ZNF157: variants seen among roughly 807,000 people sequenced by gnomAD.
ZNF157 encodes zinc finger protein 157.
Under a neutral mutation model 9.4 loss-of-function variants are expected in ZNF157, and 8 were observed. The observed-to-expected ratio is 0.85, with a 90% confidence interval of 0.50 to 1.53. The LOEUF (loss-of-function observed/expected upper bound fraction) is 1.53, where lower values mean the gene tolerates loss of function less well. ZNF157 is among the 40% of genes most tolerant of loss of function. The pLI is 0.00. For missense variants in ZNF157, 316 were observed against 385.2 expected, an observed-to-expected ratio of 0.82 and a Z score of 1.50; for synonymous variants, 120 against 130.8, an observed-to-expected ratio of 0.92 and a Z score of 0.56.
chrX:47,411,357 TA>T (rs2055964291), intron 3 of ZNF157, among the ~76,000 whole-genome samples: 1 of 109,971 alleles, frequency 9.1e-6, no homozygotes, highest in South Asian at 3.9e-4. Flanking sequence ...TTTATTCTTT[TA>T]TTTTTTTGAG....
At chrX:47,387,126 T>C (rs1160879059) in intron 1 of ZNF157, among the ~76,000 whole-genome samples, 1 of 100,581 alleles carries the variant, frequency 9.9e-6, no homozygotes, top group Non-Finnish European at 2.1e-5. Flanking sequence ...CCCTGCTAAT[T>C]TTTTTTTTTT....
At chrX:47,385,808 T>C (rs2147404264) in intron 1 of ZNF157, among the ~76,000 whole-genome samples, 1 of 110,816 alleles carries the variant, frequency 9.0e-6, no homozygotes, top group East Asian at 2.8e-4. Flanking sequence ...CCTCAGGTGA[T>C]CCACCTGCCT....
intron 1 of ZNF157, among the ~76,000 whole-genome samples, chrX:47,394,271 C>G (rs952500814): frequency 9.0e-6 from 1 of 111,197 alleles, no homozygotes; most frequent in Admixed American, 9.7e-5. Flanking sequence ...CCCTCGAACT[C>G]TTGAGCTCAA....
Position 47,413,458 on chromosome X carries a change from G to A in ZNF157, c.1385G>A (p.Arg462Gln), listed in dbSNP as rs138071941. The change falls in exon 4 of 4, where the codon CGA becomes CAA. Residue 462 changes from arginine to glutamine, a missense_variant. By Grantham distance (43) the Arg-to-Gln change is conservative. Transcript: ENST00000377073. Reference protein sequence around the residue: ...YVKVRLIEHQRIHTGERPFEC... With the variant: ...YVKVRLIEHQQIHTGERPFEC... ...AAAGTACGCCTCATTGAACATCAGC[G>A]AATTCACACAGGAGAGAGACCCTTT... is the stretch of plus-strand genomic sequence containing the variant. 13 of 1,210,418 alleles carry A rather than the reference G, an allele frequency of 1.1e-5. No homozygotes were observed. The highest frequency in any genetic ancestry group is 3.5e-5 in the South Asian group (2 of 56,858).
At chrX:47,403,891 C>T (rs1382187479) in intron 1 of ZNF157, among the ~76,000 whole-genome samples, 5 of 111,435 alleles carry the variant, frequency 4.5e-5, no homozygotes, top group East Asian at 2.9e-4. Context: ...AAAAAGTTGC[C>T]GGGCACAGAG....
intron 1 of ZNF157, among the ~76,000 whole-genome samples, chrX:47,377,742 T>C (rs1320926581): frequency 7.0e-5 from 7 of 100,308 alleles, no homozygotes; most frequent in Non-Finnish European, 1.4e-4. Context: ...TTTTTTTTTT[T>C]TTTTTTAAAA....
intron 1 of ZNF157, among the ~76,000 whole-genome samples, chrX:47,409,495 C>T (rs1177594273): frequency 3.6e-4 from 26 of 71,625 alleles, no homozygotes; most frequent in Non-Finnish European, 1.6e-4. Context: ...CCACCATGCC[C>T]GGCTAATTTT....
At chrX:47,403,717 A>G (rs777485785) in intron 1 of ZNF157, among the ~76,000 whole-genome samples, 17 of 112,115 alleles carry the variant, frequency 1.5e-4, no homozygotes, top group Non-Finnish European at 2.4e-4. Flanking sequence ...AAAAAAATCA[A>G]TGGGTGCCAG....
chrX:47,411,688 C>T (rs2055965718), intron 3 of ZNF157, among the ~76,000 whole-genome samples: 1 of 111,174 alleles, frequency 9.0e-6, no homozygotes, highest in African/African-American at 3.3e-5. Context: ...TTTCTTCCCT[C>T]CATTGCCTTG....
At chrX:47,394,743 G>A (rs1190144403) in intron 1 of ZNF157, among the ~76,000 whole-genome samples, 1 of 111,775 alleles carries the variant, frequency 8.9e-6, no homozygotes, top group Non-Finnish European at 1.9e-5. Flanking sequence ...TTTGTATTCT[G>A]TAAGATGATA....
At chrX:47,381,067 G>A (rs2055861445) in intron 1 of ZNF157, among the ~76,000 whole-genome samples, 2 of 101,848 alleles carry the variant, frequency 2.0e-5, no homozygotes, top group Admixed American at 2.1e-4. Context: ...AGAGCAGGAG[G>A]AGGAGGAGCA....
At chrX:47,389,908 A>G (rs2147406088) in intron 1 of ZNF157, 1 of 111,864 alleles carries the variant, frequency 8.9e-6, no homozygotes, top group South Asian at 3.8e-4. Context: ...CTCAAAGAAA[A>G]ATAAAAGGAA....
intron 1 of ZNF157, among the ~76,000 whole-genome samples, chrX:47,379,395 A>G (rs1033961655): frequency 9.4e-6 from 1 of 106,888 alleles, no homozygotes; most frequent in Non-Finnish European, 1.9e-5. Flanking sequence ...ATAGAGATCT[A>G]TAATCCATTT....
At chrX:47,403,759 G>T (rs1174626895) in intron 1 of ZNF157, among the ~76,000 whole-genome samples, 1 of 112,229 alleles carries the variant, frequency 8.9e-6, no homozygotes, top group East Asian at 2.8e-4. Flanking sequence ...AGAATTACTT[G>T]ACAAGGATTT....
intron 1 of ZNF157, among the ~76,000 whole-genome samples, chrX:47,377,540 C>T (rs901695710): frequency 8.2e-5 from 9 of 109,587 alleles, no homozygotes; most frequent in Admixed American, 2.0e-4. Flanking sequence ...GGTGATTCTC[C>T]CACCTCAACC....
In ZNF157 at chrX:47,412,942, C is replaced by T; in HGVS notation, c.869C>T (p.Thr290Ile). ...ACATTTCGTGTAAAGATATCCCTTA[C>T]CCAACACCACAGAACTCATACAGGG... ...GKTFRVKISL[T>I]QHHRTHTGEK... is the part of the protein sequence containing the mutation. The change falls in exon 4 of 4, where the codon ACC becomes ATC. Residue 290 changes from threonine to isoleucine, a missense_variant. By Grantham distance (89) the Thr-to-Ile change is moderately conservative (BLOSUM62 -1). Around this residue, in one of 3 missense-constraint regions of ZNF157, gnomAD observed 167 missense variants for 183.6 expected, o/e 0.91. Coordinates refer to ENST00000377073, the MANE Select transcript of ZNF157 (RefSeq NM_003446.4). 3 of 1,209,815 alleles carry T rather than the reference C, an allele frequency of 2.5e-6. No homozygotes were observed. The highest frequency in any genetic ancestry group is 1.7e-5 in the African/African-American group (1 of 57,452).
chrX:47,403,519 G>A (rs764182785), intron 1 of ZNF157, among the ~76,000 whole-genome samples: 42 of 110,147 alleles, frequency 3.8e-4, no homozygotes, highest in African/African-American at 1.4e-3. Context: ...ATTTTTAGTA[G>A]AGACTGGGTT....
intron 1 of ZNF157, among the ~76,000 whole-genome samples, chrX:47,409,096 C>A (rs887639786): frequency 8.9e-6 from 1 of 111,889 alleles, no homozygotes; most frequent in Non-Finnish European, 1.9e-5. Flanking sequence ...ACCCCCCAAA[C>A]CTTGGCCTCT....
intron 1 of ZNF157, among the ~76,000 whole-genome samples, chrX:47,383,684 G>GAAAAA (rs11324804): frequency 9.6e-5 from 4 of 41,584 alleles, no homozygotes; most frequent in African/African-American, 1.9e-4. Flanking sequence ...CTCTGTCTCA[G>GAAAAA]AAAAAAAAAA....
Sources: allele counts gnomAD v4.1 joint callset (sites outside exome capture counted in the v4.1 genomes callset), GRCh38; gene constraint gnomAD v4.1.1; regional missense constraint gnomAD v4.1.1; transcripts MANE v1.5; gene names NCBI Gene and HGNC (gene_info 2026-07-23, HGNC 2026-07-21).